The following FAM135B variants were observed in gnomAD, a reference collection of about 807,000 sequenced individuals.
FAM135B encodes the protein family with sequence similarity 135 member B, also known as protein FAM135B.
In FAM135B, 43 loss-of-function variants were observed where a neutral mutation model predicts 127.7. The observed-to-expected ratio is 0.34, with a 90% CI of 0.26 to 0.43. The LOEUF (loss-of-function observed/expected upper bound fraction) is 0.43, where lower values mean the gene tolerates loss of function less well. FAM135B is among the 20% of genes least tolerant of loss of function. The pLI is 1.00. For missense variants in FAM135B, 1,558 were observed against 1,725.6 expected (o/e 0.90, Z 1.72); for synonymous variants, 670 against 665.1 (o/e 1.01, Z -0.11).
chr8:138,416,448 TATA>T (rs1287240588), intron 1 of FAM135B, among the ~76,000 whole-genome samples: 2 of 152,164 alleles, frequency 1.3e-5, no homozygotes, highest in African/African-American at 2.4e-5. Flanking sequence ...TGGAGTAAAA[TATA>T]ATAATATGCA....
At chr8:138,492,918 G>A (rs900943119) in intron 1 of FAM135B, among the ~76,000 whole-genome samples, 9 of 152,160 alleles carry the variant, frequency 5.9e-5, no homozygotes, top group Non-Finnish European at 1.3e-4. Flanking sequence ...GCTCTTGAAA[G>A]GCAAGGACCT....
intron 1 of FAM135B, among the ~76,000 whole-genome samples, chr8:138,412,302 T>G (rs1305558923): frequency 6.6e-6 from 1 of 152,206 alleles, no homozygotes; most frequent in Non-Finnish European, 1.5e-5. Flanking sequence ...ACACATTAAT[T>G]GCAGCTTAGT....
At chr8:138,313,783 T>A (rs1826872879) in intron 2 of FAM135B, among the ~76,000 whole-genome samples, 3 of 52,326 alleles carry the variant, frequency 5.7e-5, no homozygotes. Flanking sequence ...GACCTCAGTA[T>A]CTGTGTATTC....
intron 7 of FAM135B, among the ~76,000 whole-genome samples, chr8:138,220,061 TCACACA>T (rs3221962): frequency 3.8e-4 from 55 of 146,520 alleles, no homozygotes; most frequent in African/African-American, 1.3e-3. Context: ...TTGCCTAAAA[TCACACA>T]CACACACACA....
At chr8:138,416,228 G>C (rs1834141084) in intron 1 of FAM135B, among the ~76,000 whole-genome samples, 1 of 152,166 alleles carries the variant, frequency 6.6e-6, no homozygotes. Flanking sequence ...GCAATAGAGA[G>C]GTTAAAGCAC....
At chr8:138,312,312 C>G (rs1321066867) in intron 2 of FAM135B, among the ~76,000 whole-genome samples, 1 of 152,100 alleles carries the variant, frequency 6.6e-6, no homozygotes, top group Non-Finnish European at 1.5e-5. Context: ...GACAGACATA[C>G]TTTACCCTAT....
intron 7 of FAM135B, among the ~76,000 whole-genome samples, chr8:138,199,999 G>T (rs1185653637): frequency 6.6e-6 from 1 of 152,164 alleles, no homozygotes; most frequent in Non-Finnish European, 1.5e-5. Context: ...TCCAGACAGG[G>T]CAGTCTCCAT....
At chr8:138,281,163 C>G (rs1321991728) in intron 3 of FAM135B, among the ~76,000 whole-genome samples, 1 of 152,108 alleles carries the variant, frequency 6.6e-6, no homozygotes, top group African/African-American at 2.4e-5. Flanking sequence ...CTACTATAGT[C>G]CCTGGAGATC....
chr8:138,212,730 C>T (rs1818236309), intron 7 of FAM135B, among the ~76,000 whole-genome samples: 1 of 152,190 alleles, frequency 6.6e-6, no homozygotes, highest in African/African-American at 2.4e-5. Flanking sequence ...ATTTGTTCTT[C>T]ATTAAAAGCA....
At chr8:138,287,802 T>C (rs978094163) in intron 3 of FAM135B, among the ~76,000 whole-genome samples, 1 of 152,166 alleles carries the variant, frequency 6.6e-6, no homozygotes, top group Non-Finnish European at 1.5e-5. Context: ...CTGTTCCCAG[T>C]AGTACATACG....
At chr8:138,484,180 C>T (rs1476558595) in intron 1 of FAM135B, among the ~76,000 whole-genome samples, 1 of 152,094 alleles carries the variant, frequency 6.6e-6, no homozygotes, top group African/African-American at 2.4e-5. Context: ...GTGCCTGCAA[C>T]CCTTCACGCA....
intron 1 of FAM135B, among the ~76,000 whole-genome samples, chr8:138,377,218 C>G (rs1380324732): frequency 1.3e-5 from 2 of 152,174 alleles, no homozygotes; most frequent in Non-Finnish European, 2.9e-5. Context: ...TCAGCATTTA[C>G]TTTATGAAAA....
intron 7 of FAM135B, among the ~76,000 whole-genome samples, chr8:138,217,423 G>A (rs1418955500): frequency 1.4e-5 from 2 of 142,448 alleles, no homozygotes; most frequent in Non-Finnish European, 3.0e-5. Flanking sequence ...TTTGTTCTCT[G>A]ATATATTTCT....
At chr8:138,342,546 A>G (rs1829125853) in intron 2 of FAM135B, among the ~76,000 whole-genome samples, 1 of 152,230 alleles carries the variant, frequency 6.6e-6, no homozygotes, top group Non-Finnish European at 1.5e-5. Flanking sequence ...CTTAGAACAT[A>G]TCCATGTAGA....
In FAM135B at chr8:138,355,570, A is replaced by T. The variant is rs565127533; in HGVS notation, c.77+12337T>A. On this transcript the variant is annotated intron_variant, in intron 2 of 19. Transcript: ENST00000395297. Reference sequence around the variant, plus strand: ...ACTAAACTTTTATTATGGAAATGTGAGTGCAGTTGGTTAAGAAAGTATCTC... The same window carrying T: ...ACTAAACTTTTATTATGGAAATGTGTGTGCAGTTGGTTAAGAAAGTATCTC... 1.2e-3 allele frequency among the ~76,000 whole-genome samples: 176 copies of T among 152,286 alleles called. 1 individual carries two copies. Among genetic ancestry groups the T allele is most frequent in the African/African-American group, 4.0e-3 (168 of 41,566 alleles).
intron 1 of FAM135B, among the ~76,000 whole-genome samples, chr8:138,370,345 G>T (rs1190849669): frequency 6.6e-6 from 1 of 152,100 alleles, no homozygotes; most frequent in African/African-American, 2.4e-5. Flanking sequence ...GCTTCTTGGT[G>T]GGAAATTGCC....
In FAM135B at chr8:138,139,131, A is replaced by G. The variant is rs760584927; in HGVS notation, c.3791-35T>C. On this transcript the variant is annotated intron_variant, in intron 17 of 19. Coordinates refer to ENST00000395297, the MANE Select transcript of FAM135B (RefSeq NM_015912.4). The stretch of plus-strand genomic sequence containing the variant: ...CAAAAACAAAATAAAAATCAAAAAC[A>G]CAAAACAAAACAAAAACTAACTGGG... 1.1e-5 allele frequency: 15 copies of G among 1,365,744 alleles called. No individual in the cohort carries two copies. The East Asian group carries it at 3.0e-4, about 27-fold the overall frequency. 84.6% of individuals were successfully genotyped at this position (1,365,744 alleles called of 1,614,324 possible).
intron 1 of FAM135B, among the ~76,000 whole-genome samples, chr8:138,401,900 C>T (rs937717780): frequency 1.5e-4 from 23 of 152,148 alleles, no homozygotes; most frequent in African/African-American, 5.3e-4. Flanking sequence ...GGAACTCAGG[C>T]ATGGTTTTCC....
chr8:138,270,697 C>T (rs73719204), intron 3 of FAM135B, among the ~76,000 whole-genome samples: 4,111 of 152,336 alleles, frequency 0.027, 129 homozygotes, highest in East Asian at 0.1. Context: ...CAAAAGTGAG[C>T]TGAACTTGCC....
Sources: gnomAD v4.1 joint callset for allele counts (sites outside exome capture counted in the v4.1 genomes callset) on GRCh38, gnomAD v4.1.1 for gene constraint, MANE v1.5 for transcripts, NCBI Gene and HGNC (gene_info 2026-07-23, HGNC 2026-07-21) for gene names.